The following UCK2 variants were observed in gnomAD, a reference collection of about 807,000 sequenced individuals.
UCK2 encodes cytidine monophosphokinase 2.
A neutral mutation model predicts 30.8 loss-of-function variants in UCK2; 6 were observed. The observed-to-expected ratio is 0.19, with a 90% CI of 0.11 to 0.38. UCK2 has a LOEUF of 0.38. Among genes scored for constraint, UCK2 ranks in the 10% least tolerant of loss-of-function variants. The probability of loss-of-function intolerance (pLI) is 1.00; values close to 1 mark genes in which losing one functional copy is unlikely to be tolerated. For missense variants in UCK2, 210 were observed against 339.8 expected (o/e 0.62, Z 3.00); for synonymous variants, 125 against 133.6 (o/e 0.94, Z 0.45).
At chr1:165,834,855 A>C (rs556490124) in intron 1 of UCK2, among the ~76,000 whole-genome samples, 2 of 152,284 alleles carry the variant, frequency 1.3e-5, no homozygotes. Flanking sequence ...AGCAGGCAGT[A>C]CTTTTTCTTC....
intron 1 of UCK2, among the ~76,000 whole-genome samples, chr1:165,846,572 T>A (rs747862306): frequency 2.0e-4 from 31 of 152,296 alleles, no homozygotes; most frequent in Admixed American, 1.1e-3. Context: ...CTGGGATCCA[T>A]GGATAGGAGT....
At chr1:165,862,751 C>A (rs1338473692) in intron 1 of UCK2, among the ~76,000 whole-genome samples, 1 of 152,122 alleles carries the variant, frequency 6.6e-6, no homozygotes. Context: ...GACACTTAAA[C>A]CCTTAGTTTC....
intron 1 of UCK2, among the ~76,000 whole-genome samples, chr1:165,836,972 G>GGGGA (rs1346054251): frequency 1.3e-5 from 2 of 152,156 alleles, no homozygotes; most frequent in Non-Finnish European, 2.9e-5. Flanking sequence ...AGGAGAGGAG[G>GGGGA]GGGAGGGAAG....
intron 4 of UCK2, 132 bp from the exon 5 acceptor site, chr1:165,903,050 C>T (rs1478630353): frequency 9.0e-6 from 6 of 666,012 alleles, no homozygotes; most frequent in African/African-American, 9.0e-5. Flanking sequence ...TTGGTCAAGC[C>T]TCTCAGGATT....
intron 1 of UCK2, among the ~76,000 whole-genome samples, chr1:165,851,942 C>A (rs1409507789): frequency 6.6e-6 from 1 of 152,192 alleles, no homozygotes; most frequent in Non-Finnish European, 1.5e-5. Flanking sequence ...CATAGTGTTG[C>A]ATGGAGTATA....
At chr1:165,903,126 G>T in intron 4 of UCK2, 56 bp from the exon 5 acceptor site, 1 of 1,361,582 alleles carries the variant, frequency 7.3e-7, no homozygotes, top group Non-Finnish European at 1.0e-6. Context: ...CATGAAGGGC[G>T]GGTGTGTGCT....
chr1:165,850,342 C>G (rs1044338394), intron 1 of UCK2, among the ~76,000 whole-genome samples: 1 of 152,112 alleles, frequency 6.6e-6, no homozygotes, highest in Admixed American at 6.5e-5. Flanking sequence ...GTTGGTCAGG[C>G]TGGTCTCAAA....
At chr1:165,838,721 C>G (rs1169915034) in intron 1 of UCK2, among the ~76,000 whole-genome samples, 1 of 151,672 alleles carries the variant, frequency 6.6e-6, no homozygotes, top group Non-Finnish European at 1.5e-5. Flanking sequence ...AGTGTGCATG[C>G]TAGATGGCTT....
Position 165,891,210 on chromosome 1 carries a change from A to G in UCK2, c.260-16A>G, listed in dbSNP as rs905898192. The G allele has an allele frequency of 6.2e-6, 10 of 1,610,268 alleles. No individual in the cohort carries two copies. The highest frequency in any genetic ancestry group is 8.5e-6 in the Non-Finnish European group (10 of 1,176,678). On this transcript the variant is annotated splice_polypyrimidine_tract_variant and intron_variant, in intron 2 of 6. Transcript: ENST00000367879. ...TTTAAAATTAAGAAACATTTTAACA[A>G]TTTGGTATTTTTCAGATGCCTTTGA...
intron 1 of UCK2, among the ~76,000 whole-genome samples, chr1:165,851,203 C>T (rs1433110603): frequency 6.6e-6 from 1 of 152,132 alleles, no homozygotes; most frequent in Non-Finnish European, 1.5e-5. Flanking sequence ...ATCATGTGCC[C>T]CCAGGGGCAG....
At chr1:165,872,403 C>T (rs751482971) in intron 1 of UCK2, among the ~76,000 whole-genome samples, 29 of 152,168 alleles carry the variant, frequency 1.9e-4, no homozygotes, top group Non-Finnish European at 3.8e-4. Context: ...AGATGTTTAC[C>T]CTCACTTAAA....
chr1:165,894,117 G>A (rs1280038572), intron 3 of UCK2: 1 of 152,008 alleles, frequency 6.6e-6, no homozygotes, highest in Non-Finnish European at 1.5e-5. Context: ...GCCATATTAG[G>A]GATGCCCTAA....
At chr1:165,833,106 G>A (rs936923329) in intron 1 of UCK2, among the ~76,000 whole-genome samples, 4 of 152,162 alleles carry the variant, frequency 2.6e-5, no homozygotes, top group East Asian at 1.9e-4. Context: ...GACCCGTGTC[G>A]GCGCCCACTG....
At chr1:165,839,183 T>C (rs768329380) in intron 1 of UCK2, among the ~76,000 whole-genome samples, 4 of 152,208 alleles carry the variant, frequency 2.6e-5, no homozygotes, top group Non-Finnish European at 5.9e-5. Context: ...AGGTAAGATA[T>C]GCTTTTTTTA....
chr1:165,841,451 C>T (rs1414705734), intron 1 of UCK2, among the ~76,000 whole-genome samples: 1 of 152,120 alleles, frequency 6.6e-6, no homozygotes, highest in African/African-American at 2.4e-5. Context: ...TCCCAAAGTG[C>T]TGGGGATTAC....
At chr1:165,850,391 A>G (rs909247887) in intron 1 of UCK2, among the ~76,000 whole-genome samples, 27 of 151,724 alleles carry the variant, frequency 1.8e-4, no homozygotes, top group Non-Finnish European at 1.5e-5. Context: ...TGGCCTCCCA[A>G]AGTGCTGGGA....
At chr1:165,907,025 G>A (rs1647687780) in intron 6 of UCK2, among the ~76,000 whole-genome samples, 1 of 152,084 alleles carries the variant, frequency 6.6e-6, no homozygotes, top group African/African-American at 2.4e-5. Flanking sequence ...TTGGTAGAAT[G>A]GTCCTCAATT....
At position 165,841,097 on chromosome 1, in the gene UCK2, ATG is replaced by A. The variant is rs765579536; in HGVS notation, c.99+13179_99+13180del. Among the ~76,000 whole-genome samples the A allele has an allele frequency of 2.5e-3, 330 of 132,302 alleles. 4 individuals carry two copies. The Middle Eastern group carries it at 0.039, about 16-fold the overall frequency. 86.8% of individuals were successfully genotyped at this position (132,302 alleles called of 152,430 possible). Reference sequence around the variant, plus strand: ...GATATATATTTGTGTGTGCACACGTATGTGTGTGTGTGTGTATATATATATAT... The same window carrying A: ...GATATATATTTGTGTGTGCACACGTATGTGTGTGTGTGTATATATATATAT... On this transcript the variant is annotated intron_variant, in intron 1 of 6. Transcript: ENST00000367879.
chr1:165,864,514 A>T (rs1654997373), intron 1 of UCK2, among the ~76,000 whole-genome samples: 1 of 152,192 alleles, frequency 6.6e-6, no homozygotes, highest in Non-Finnish European at 1.5e-5. Context: ...ATAGAATAGT[A>T]TAAAGAAGAA....
Sources: allele counts gnomAD v4.1 joint callset (sites outside exome capture counted in the v4.1 genomes callset), GRCh38; gene constraint gnomAD v4.1.1; transcripts MANE v1.5; gene names NCBI Gene and HGNC (gene_info 2026-07-23, HGNC 2026-07-21).